TNXB: variants seen among roughly 807,000 people sequenced by gnomAD.
The protein encoded by TNXB is tenascin XB, also known as tenascin-X.
A neutral mutation model predicts 340.5 loss-of-function variants in TNXB; 183 were observed. The observed-to-expected ratio is 0.54, with a 90% CI of 0.48 to 0.61. The LOEUF (loss-of-function observed/expected upper bound fraction) is 0.61. TNXB is among the 20% of genes least tolerant of loss of function. The pLI is 0.00. For synonymous variants in TNXB, 2,121 were observed against 2,314.5 expected, an observed-to-expected ratio of 0.92 and a Z score of 2.40; for missense variants, 4,613 against 5,446.4, an observed-to-expected ratio of 0.85 and a Z score of 4.82.
chr6:32,053,190 T>G (rs1437142712), intron 25 of TNXB, among the ~76,000 whole-genome samples, 197 bp from the exon 26 acceptor site: 1 of 152,016 alleles, frequency 6.6e-6, no homozygotes, highest in Non-Finnish European at 1.5e-5. Flanking sequence ...GCTGGGGAAC[T>G]TGGGACAGCC....
chr6:32,104,486 C>T (rs1324647580), intron 1 of TNXB, among the ~76,000 whole-genome samples: 1 of 152,206 alleles, frequency 6.6e-6, no homozygotes, highest in Non-Finnish European at 1.5e-5. Context: ...ACCTAATAGC[C>T]CATTCAAGGC....
At position 32,089,020 on chromosome 6, in the gene TNXB, C is replaced by A; in HGVS notation, c.2544G>T (p.Val848=). The change falls in exon 6 of 44, where the codon GTG becomes GTT. Residue 848 remains valine, a synonymous_variant. Transcript: ENST00000644971. This position sits in a 1 kb window ranked among gnomAD's most constrained non-coding sequence, Gnocchi z 6.2. The part of the protein sequence containing the change: ...TMIDGPQDLR[V]VAVTPTTLEL... ...CCAGTGTTGTCGGTGTCACAGCCAC[C>A]ACTCGGAGGTCCTGGGGCCCATCGA... 1 of 1,610,824 alleles carries A rather than the reference C, an allele frequency of 6.2e-7. No homozygotes were observed. The highest frequency in any genetic ancestry group is 8.5e-7 in the Non-Finnish European group (1 of 1,178,860).
rs961819726 is a variant in TNXB at position 32,052,537 on chromosome 6, T to C, written c.9115+133A>G. ...GCCTGCTGAATCCAAATCTGCTTTTTAACAAAAATCTCCAGGCATTTGGAT... is the reference window on the plus strand; with the variant it reads ...GCCTGCTGAATCCAAATCTGCTTTTCAACAAAAATCTCCAGGCATTTGGAT... On this transcript the variant is annotated intron_variant, in intron 26 of 43. Coordinates refer to ENST00000644971, the MANE Select transcript of TNXB (RefSeq NM_001365276.2). The surrounding 1 kb of genome is among the most constrained non-coding windows in gnomAD (Gnocchi z 4.7). 2 of 1,281,902 alleles carry C rather than the reference T, an allele frequency of 1.6e-6. No homozygotes were observed. Among genetic ancestry groups the C allele is most frequent in the Admixed American group, 2.7e-5 (1 of 37,204 alleles). 79.4% of individuals were successfully genotyped at this position (1,281,902 alleles called of 1,614,324 possible). A position where few individuals can be genotyped will look rare whatever the true frequency, so the allele number is the denominator to read the frequency against.
rs547864882 is a variant in TNXB at position 32,086,876 on chromosome 6, T to A, written c.2780-758A>T. On this transcript the variant is annotated intron_variant, in intron 6 of 43. Coordinates refer to ENST00000644971, the MANE Select transcript of TNXB (RefSeq NM_001365276.2). ...CTTCAGCCACTCTCACCACAGTGAG[T>A]CAGAACGGGAATCACTGTTTTCAAT... is the stretch of plus-strand genomic sequence containing the variant. Among the ~76,000 whole-genome samples the A allele has an allele frequency of 9.9e-5, 15 of 152,246 alleles. No individual in the cohort carries two copies. In the Middle Eastern group the frequency reaches 0.01, roughly 104 times the overall value.
chr6:32,052,886 A>C lies in TNXB; in HGVS notation c.8899T>G (p.Ser2967Ala). The C allele has an allele frequency of 6.2e-7, 1 of 1,612,956 alleles. No homozygotes were observed. Among genetic ancestry groups the C allele is most frequent in the Non-Finnish European group, 8.5e-7 (1 of 1,179,850 alleles). Residue 2967 changes from serine (S) to alanine (A), a missense_variant, in exon 26 of 44, where the codon TCG (serine) becomes GCG (alanine). Coordinates refer to ENST00000644971, the MANE Select transcript of TNXB (RefSeq NM_001365276.2). The surrounding 1 kb of genome is among the most constrained non-coding windows in gnomAD (Gnocchi z 4.7). ...GGGATGGTCCAGGAGAGGCTCAGCG[A>C]GTCAGGGGAGGATCCTGTCACTGTC... ...ELTVTGSSPD[S>A]LSLSWTIPQG...
chr6:32,096,770 G>A lies in TNXB; in HGVS notation c.1083C>T (p.Pro361=), dbSNP rs1020018977. The change falls in exon 3 of 44, where the codon CCC becomes CCT. Residue 361 remains proline (P), a synonymous_variant. Transcript: ENST00000644971. The stretch of plus-strand genomic sequence containing the variant: ...TGCTGCAGTCCTCGCCTGTGTACCC[G>A]GGCCAGCACACGCAGCGGCCGTCCA... ...RCVDGRCVCW[P]GYTGEDCSTR... is the part of the protein sequence containing the mutation. 3.2e-6 allele frequency: 5 copies of A among 1,556,882 alleles called. No individual in the cohort carries two copies. The highest frequency in any genetic ancestry group is 2.8e-5 in the African/African-American group (2 of 71,272).
chr6:32,097,892 G>C lies in TNXB; in HGVS notation c.307C>G (p.Leu103Val), dbSNP rs1003249117. The C allele has an allele frequency of 1.3e-6, 2 of 1,580,418 alleles. No individual in the cohort carries two copies. Among genetic ancestry groups the C allele is most frequent in the Non-Finnish European group, 1.7e-6 (2 of 1,157,130 alleles). The change falls in exon 2 of 44, where the codon CTG becomes GTG. Residue 103 changes from leucine to valine, a missense_variant. Coordinates refer to ENST00000644971, the MANE Select transcript of TNXB (RefSeq NM_001365276.2). This position sits in a 1 kb window ranked among gnomAD's most constrained non-coding sequence, Gnocchi z 5.9. The part of the protein sequence containing the change: ...PPVLASEVQA[L>V]RVRLEILEEL... ...TCCAGGATCTCTAGACGGACCCTCAGGGCCTGTACCTCTGAAGCAAGGACT... is the reference window on the plus strand; with the variant it reads ...TCCAGGATCTCTAGACGGACCCTCACGGCCTGTACCTCTGAAGCAAGGACT...
In TNXB at chr6:32,068,611, G is replaced by A; in HGVS notation, c.5999C>T (p.Pro2000Leu). ...TGTCCAGGACAGGCTGAGGGAGTCA[G>A]GGGTGGCATCTGTCACGGTCAGCTC... ...LGELTVTDATPDSLSLSWTVP... is the reference protein window; with the variant it reads ...LGELTVTDATLDSLSLSWTVP... The change falls in exon 17 of 44, where the codon CCT (proline) becomes CTT (leucine). Residue 2000 changes from proline (P) to leucine (L), a missense_variant. Coordinates refer to ENST00000644971, the MANE Select transcript of TNXB (RefSeq NM_001365276.2). The surrounding 1 kb of genome is among the most constrained non-coding windows in gnomAD (Gnocchi z 5.3). The A allele has an allele frequency of 6.2e-7, 1 of 1,613,934 alleles. No homozygotes were observed. The highest frequency in any genetic ancestry group is 8.5e-7 in the Non-Finnish European group (1 of 1,179,880).
At chr6:32,071,541 A>G (rs1370878473) in intron 13 of TNXB, among the ~76,000 whole-genome samples, 1 of 148,728 alleles carries the variant, frequency 6.7e-6, no homozygotes, top group African/African-American at 2.5e-5. Context: ...AACTGGCCCC[A>G]CTCTCCTGGT....
In TNXB at chr6:32,055,885, C is replaced by T. The variant is rs1777593386; in HGVS notation, c.8433G>A (p.Arg2811=). 1.2e-6 allele frequency: 2 copies of T among 1,612,782 alleles called. No homozygotes were observed. Among genetic ancestry groups the T allele is most frequent in the African/African-American group, 1.3e-5 (1 of 74,940 alleles). Residue 2811 remains arginine (R), a synonymous_variant, in exon 24 of 44, where the codon CGG becomes CGA. Transcript: ENST00000644971. The part of the protein sequence containing the change: ...KMHLYGLHEG[R]RVGPVSTVGV... Reference sequence around the variant, plus strand: ...CCACGGTGGACACCGGGCCCACACGCCGCCCCTCGTGGAGGCCGTACAGGT... The same window carrying T: ...CCACGGTGGACACCGGGCCCACACGTCGCCCCTCGTGGAGGCCGTACAGGT...
Position 32,085,883 on chromosome 6 carries a change from C to G in TNXB, c.3015G>C (p.Glu1005Asp), listed in dbSNP as rs753085036. The G allele has an allele frequency of 4.4e-6, 7 of 1,608,440 alleles. No homozygotes were observed. The highest frequency in any genetic ancestry group is 5.9e-6 in the Non-Finnish European group (7 of 1,178,678). ...MRVPEGPGAH[E>D]EVLPGDVRQA... ...GGCGGACGTCCCCTGGCAGCACTTC[C>G]TCATGTGCCCCCGGCCCCTCGGGCA... Residue 1005 changes from glutamate to aspartate, a missense_variant, in exon 7 of 44, where the codon GAG becomes GAC. By Grantham distance (45) the Glu-to-Asp change is conservative. This residue lies in a region of TNXB where 4,327 missense variants were observed against 4,859.4 expected (regional missense o/e 0.89). Transcript: ENST00000644971. The surrounding 1 kb of genome is among the most constrained non-coding windows in gnomAD (Gnocchi z 6.4).
intron 21 of TNXB, among the ~76,000 whole-genome samples, chr6:32,059,115 G>A (rs1322164751): frequency 6.6e-6 from 1 of 151,680 alleles, no homozygotes; most frequent in Non-Finnish European, 1.5e-5. Context: ...CTAGAAAAAC[G>A]TGGGCTAAAA....
rs776007327 is a variant in TNXB, at chr6:32,052,592, T to A, written c.9115+78A>T. 6.3e-5 allele frequency: 97 copies of A among 1,548,806 alleles called. No individual in the cohort carries two copies. The highest frequency in any genetic ancestry group is 8.2e-5 in the Non-Finnish European group (93 of 1,137,036). ...AAAGGAAGGAATACTCTTCAGAGTATGTTTTCACGAAGACTGGAGAGACAG... is the reference window on the plus strand; with the variant it reads ...AAAGGAAGGAATACTCTTCAGAGTAAGTTTTCACGAAGACTGGAGAGACAG... On this transcript the variant is annotated intron_variant, in intron 26 of 43. Coordinates refer to ENST00000644971, the MANE Select transcript of TNXB (RefSeq NM_001365276.2). This position sits in a 1 kb window ranked among gnomAD's most constrained non-coding sequence, Gnocchi z 4.7.
At position 32,089,147 on chromosome 6, in the gene TNXB, C is replaced by T; in HGVS notation, c.2515+76G>A. The T allele has an allele frequency of 6.4e-6, 10 of 1,567,518 alleles. No individual in the cohort carries two copies. Among genetic ancestry groups the T allele is most frequent in the Non-Finnish European group, 8.7e-6 (10 of 1,155,552 alleles). On this transcript the variant is annotated intron_variant, in intron 5 of 43. Coordinates refer to ENST00000644971, the MANE Select transcript of TNXB (RefSeq NM_001365276.2). This position sits in a 1 kb window ranked among gnomAD's most constrained non-coding sequence, Gnocchi z 6.2. ...GCCCCCATCCAGCCCCTTCCTTCTG[C>T]CCTCCCGGAGGGCAGATTCCCTCTC...
chr6:32,069,001 A>T lies in TNXB; in HGVS notation c.5723T>A (p.Phe1908Tyr), dbSNP rs1030656217. ...HLSWMVTEGEFDSFEIQYTDR... is the reference protein window; with the variant it reads ...HLSWMVTEGEYDSFEIQYTDR... ...TGTGTACTGGATTTCGAAGGAGTCAAATTCTCCCTCAGTCACCATCCAGGA... is the reference window on the plus strand; with the variant it reads ...TGTGTACTGGATTTCGAAGGAGTCATATTCTCCCTCAGTCACCATCCAGGA... Residue 1908 changes from phenylalanine (F) to tyrosine (Y), a missense_variant, in exon 16 of 44, where the codon TTT (phenylalanine) becomes TAT (tyrosine). Phe to Tyr is a conservative substitution (Grantham distance 22, BLOSUM62 3). This residue lies in a region of TNXB where 4,327 missense variants were observed against 4,859.4 expected (regional missense o/e 0.89). Transcript: ENST00000644971. This position sits in a 1 kb window ranked among gnomAD's most constrained non-coding sequence, Gnocchi z 6.2. The T allele has an allele frequency of 6.2e-7, 1 of 1,612,864 alleles. No individual in the cohort carries two copies. The highest frequency in any genetic ancestry group is 8.5e-7 in the Non-Finnish European group (1 of 1,179,880).
chr6:32,056,918 A>C lies in TNXB; in HGVS notation c.7826-15T>G. ...GGCTTCATCCTCTGGAGTTGGACAG[A>C]CACGTGTGGGGACAGTGAGGTCCCT... On this transcript the variant is annotated splice_polypyrimidine_tract_variant and intron_variant, in intron 22 of 43. Coordinates refer to ENST00000644971, the MANE Select transcript of TNXB (RefSeq NM_001365276.2). 1.9e-6 allele frequency: 3 copies of C among 1,609,078 alleles called. No individual in the cohort carries two copies. Among genetic ancestry groups the C allele is most frequent in the Non-Finnish European group, 2.5e-6 (3 of 1,176,742 alleles).
At position 32,050,115 on chromosome 6, in the gene TNXB, C is replaced by T. The variant is rs1292737814; in HGVS notation, c.9322G>A (p.Gly3108Arg). ...DGQPKAVRVP[G>R]HEDGVTISGL... Reference sequence around the variant, plus strand: ...GAGATGGTGACCCCGTCCTCGTGCCCCGGCACCCGCACCGCCTTGGGCTGC... The same window carrying T: ...GAGATGGTGACCCCGTCCTCGTGCCTCGGCACCCGCACCGCCTTGGGCTGC... Residue 3108 changes from glycine (G) to arginine (R), a missense_variant, in exon 27 of 44, where the codon GGG becomes AGG. By Grantham distance (125) the Gly-to-Arg change is moderately radical. Coordinates refer to ENST00000644971, the MANE Select transcript of TNXB (RefSeq NM_001365276.2). The T allele has an allele frequency of 6.2e-7, 1 of 1,613,632 alleles. No individual in the cohort carries two copies. The highest frequency in any genetic ancestry group is 8.5e-7 in the Non-Finnish European group (1 of 1,179,892).
rs1014515855 is a variant in TNXB at position 32,087,567 on chromosome 6, C to G, written c.2779+1218G>C. ...CTTCAGGCGAGAGGCCGTAGATTCC[C>G]TGGTTGGAGTCCCGTTTCCTGGTGC... On this transcript the variant is annotated intron_variant, in intron 6 of 43. Coordinates refer to ENST00000644971, the MANE Select transcript of TNXB (RefSeq NM_001365276.2). The surrounding 1 kb of genome is among the most constrained non-coding windows in gnomAD (Gnocchi z 9.0). The G allele has an allele frequency of 1.7e-5, 7 of 410,054 alleles. No homozygotes were observed. Among genetic ancestry groups the G allele is most frequent in the African/African-American group, 1.6e-4 (7 of 42,888 alleles). 25.4% of individuals were successfully genotyped at this position (410,054 alleles called of 1,614,324 possible).
Position 32,061,820 on chromosome 6 carries a change from AAT to A in TNXB, c.7169-102_7169-101del. On this transcript the variant is annotated intron_variant, in intron 20 of 43. Coordinates refer to ENST00000644971, the MANE Select transcript of TNXB (RefSeq NM_001365276.2). The surrounding 1 kb of genome is among the most constrained non-coding windows in gnomAD (Gnocchi z 4.4). ...AAGGCTATGACTAGGGGACATATGAAATAGCCAAGGCTATGACTAGGGGACCT... is the reference window on the plus strand; with the variant it reads ...AAGGCTATGACTAGGGGACATATGAAAGCCAAGGCTATGACTAGGGGACCT... 1 of 1,473,818 alleles carries A rather than the reference AAT, an allele frequency of 6.8e-7. No homozygotes were observed. The highest frequency in any genetic ancestry group is 9.1e-7 in the Non-Finnish European group (1 of 1,094,278). The allele number at this position is 1,473,818 out of a possible 1,614,324, so 91.3% of individuals were successfully genotyped here.
Sources: allele counts gnomAD v4.1 joint callset (sites outside exome capture counted in the v4.1 genomes callset), GRCh38; gene constraint gnomAD v4.1.1; regional missense constraint gnomAD v4.1.1; non-coding constraint Gnocchi (gnomAD v3.1); transcripts MANE v1.5; gene names NCBI Gene and HGNC (gene_info 2026-07-23, HGNC 2026-07-21).